TRPM3: variants seen among roughly 807,000 people sequenced by gnomAD.
TRPM3 encodes long transient receptor potential channel 3.
A neutral mutation model predicts 181.2 loss-of-function variants in TRPM3; 77 were observed. The ratio of observed to expected loss-of-function variants is 0.42; its 90% CI spans 0.35 to 0.51. The LOEUF (loss-of-function observed/expected upper bound fraction) is 0.51, where lower values mean the gene tolerates loss of function less well. Ranked by LOEUF, TRPM3 falls within the 20% of genes least tolerant of loss-of-function variation. TRPM3 has a pLI of 0.01. For synonymous variants in TRPM3, 745 were observed against 796.4 expected (o/e 0.94, Z 1.09); for missense variants, 1,759 against 2,196.7 (o/e 0.80, Z 3.98).
At chr9:70,740,912 T>C (rs1156761503) in intron 8 of TRPM3, among the ~76,000 whole-genome samples, 2 of 152,192 alleles carry the variant, frequency 1.3e-5, no homozygotes, top group Non-Finnish European at 2.9e-5. Context: ...AGGCAAAGAC[T>C]TCACGACAAG....
At chr9:71,114,795 G>T (rs749653612) in intron 1 of TRPM3, among the ~76,000 whole-genome samples, 4 of 152,050 alleles carry the variant, frequency 2.6e-5, no homozygotes, top group Non-Finnish European at 4.4e-5. Context: ...TAAAGAAAGG[G>T]GGCATATGTA....
chr9:70,863,736 AT>A (rs2095577000), intron 2 of TRPM3, among the ~76,000 whole-genome samples: 1 of 152,158 alleles, frequency 6.6e-6, no homozygotes, highest in South Asian at 2.1e-4. Flanking sequence ...CTTTATGACT[AT>A]TAGTCATAAT....
At chr9:70,786,029 T>C (rs76505102) in intron 6 of TRPM3, among the ~76,000 whole-genome samples, 1 of 152,144 alleles carries the variant, frequency 6.6e-6, no homozygotes, top group Non-Finnish European at 1.5e-5. Flanking sequence ...AAGGCCTTGC[T>C]GTTCTGTTTT....
intron 3 of TRPM3, among the ~76,000 whole-genome samples, chr9:70,858,654 G>A (rs1306438706): frequency 2.0e-5 from 3 of 151,922 alleles, no homozygotes; most frequent in Non-Finnish European, 2.9e-5. Context: ...AAAGGTTTAC[G>A]CTCGTAGGGA....
chr9:71,167,664 A>G (rs1316871015), intron 1 of TRPM3, among the ~76,000 whole-genome samples: 1 of 152,170 alleles, frequency 6.6e-6, no homozygotes, highest in Non-Finnish European at 1.5e-5. Context: ...GGAGGTTTCA[A>G]TTACAACTCC....
chr9:71,399,698 T>G (rs1186430080), intron 1 of TRPM3, among the ~76,000 whole-genome samples: 1 of 151,866 alleles, frequency 6.6e-6, no homozygotes, highest in Non-Finnish European at 1.5e-5. Context: ...CCAGCTAATT[T>G]TTTTTTGTAG....
At chr9:71,079,821 C>A (rs1048201872) in intron 1 of TRPM3, among the ~76,000 whole-genome samples, 16 of 152,070 alleles carry the variant, frequency 1.1e-4, no homozygotes, top group African/African-American at 3.9e-4. Context: ...TCCGCACTGC[C>A]CACATTACCC....
intron 1 of TRPM3, among the ~76,000 whole-genome samples, chr9:71,063,256 T>A (rs550092097): frequency 3.3e-5 from 5 of 152,290 alleles, no homozygotes; most frequent in African/African-American, 1.2e-4. Flanking sequence ...GAGCCTGGAA[T>A]GCTGCTCCTA....
At chr9:71,379,872 C>T (rs2092756891) in intron 1 of TRPM3, among the ~76,000 whole-genome samples, 1 of 151,936 alleles carries the variant, frequency 6.6e-6, no homozygotes, top group African/African-American at 2.4e-5. Context: ...TCAAGAGAAC[C>T]ATAGGGTCAG....
intron 1 of TRPM3, among the ~76,000 whole-genome samples, chr9:71,399,998 A>G (rs1178512879): frequency 6.6e-6 from 1 of 152,126 alleles, no homozygotes; most frequent in Non-Finnish European, 1.5e-5. Context: ...AAACTTTCTG[A>G]TCCTCAGTTT....
chr9:71,164,880 G>A (rs531678107), intron 1 of TRPM3, among the ~76,000 whole-genome samples: 1 of 152,132 alleles, frequency 6.6e-6, no homozygotes, highest in Non-Finnish European at 1.5e-5. Flanking sequence ...TCATTCATAA[G>A]TAATCTTTTT....
chr9:70,817,328 A>G (rs1381801751), intron 6 of TRPM3, among the ~76,000 whole-genome samples: 1 of 152,194 alleles, frequency 6.6e-6, no homozygotes, highest in African/African-American at 2.4e-5. Flanking sequence ...GCTTCTGGCC[A>G]GAATGTAGAT....
intron 12 of TRPM3, among the ~76,000 whole-genome samples, chr9:70,629,929 A>G (rs113961069): frequency 2.7e-4 from 41 of 152,292 alleles, no homozygotes; most frequent in African/African-American, 9.4e-4. Context: ...ACATGAATAA[A>G]ATTGAGTACA....
chr9:70,786,993 C>T (rs2083803869), intron 6 of TRPM3, among the ~76,000 whole-genome samples: 1 of 152,138 alleles, frequency 6.6e-6, no homozygotes. Context: ...AGTGATCTGG[C>T]ATCTACAAGA....
intron 1 of TRPM3, among the ~76,000 whole-genome samples, chr9:70,985,430 T>C (rs2097409294): frequency 6.6e-6 from 1 of 152,202 alleles, no homozygotes; most frequent in African/African-American, 2.4e-5. Context: ...AACCCAGTGC[T>C]CTGGCAGTAT....
At chr9:70,687,918 C>T (rs945179426) in intron 8 of TRPM3, among the ~76,000 whole-genome samples, 3 of 152,194 alleles carry the variant, frequency 2.0e-5, no homozygotes, top group African/African-American at 7.2e-5. Flanking sequence ...AACTCCCTGC[C>T]TTCATAGAAC....
intron 12 of TRPM3, among the ~76,000 whole-genome samples, chr9:70,632,113 AATT>A (rs2065962161): frequency 6.6e-6 from 1 of 152,052 alleles, no homozygotes; most frequent in Admixed American, 6.6e-5. Context: ...AGCACACATT[AATT>A]ATTATTATTT....
chr9:71,159,105 T>TAGAGAGAGAGAGAGAGAG (rs140356660), intron 1 of TRPM3, among the ~76,000 whole-genome samples: 2 of 144,082 alleles, frequency 1.4e-5, no homozygotes, highest in African/African-American at 5.2e-5. Flanking sequence ...TATATATATT[T>TAGAGAGAGAGAGAGAGAG]AGAGAGAGAG....
chr9:71,354,760 G>A (rs1051102893), intron 1 of TRPM3, among the ~76,000 whole-genome samples: 1 of 152,158 alleles, frequency 6.6e-6, no homozygotes, highest in Non-Finnish European at 1.5e-5. Context: ...CCAGGATGAT[G>A]CCATATCCTA....
Sources: allele counts gnomAD v4.1 joint callset (sites outside exome capture counted in the v4.1 genomes callset), GRCh38; gene constraint gnomAD v4.1.1; transcripts MANE v1.5; gene names NCBI Gene and HGNC (gene_info 2026-07-23, HGNC 2026-07-21).